The following CTNNA3 variants were observed in gnomAD, a reference collection of about 807,000 sequenced individuals.
CTNNA3 encodes the protein catenin alpha 3.
CTNNA3 carries 76 observed loss-of-function variants against 95.7 expected under a neutral mutation model. The observed-to-expected ratio is 0.79, with a 90% CI of 0.66 to 0.96. The LOEUF is 0.96. CTNNA3 is among the 40% of genes least tolerant of loss of function. CTNNA3 has a pLI of 0.00. For missense variants in CTNNA3, 1,191 were observed against 1,089.8 expected (o/e 1.09, Z -1.31); for synonymous variants, 431 against 374.4 (o/e 1.15, Z -1.74).
rs1863635380 is a variant in CTNNA3, at chr10:67,201,336, CA to C, written c.843+18270del. Among the ~76,000 whole-genome samples, 3 of 152,294 alleles carry C rather than the reference CA, an allele frequency of 2.0e-5. No individual in the cohort carries two copies. The South Asian group carries it at 6.2e-4, about 32-fold the overall frequency. On this transcript the variant is annotated intron_variant, in intron 6 of 17. Transcript: ENST00000433211. ...TGCAGAGCAGATCCATGCATCTGTA[CA>C]GTACATGTTTGCACATACTCCTTTT...
chr10:67,548,121 A>G (rs1840902982), intron 3 of CTNNA3, among the ~76,000 whole-genome samples: 1 of 152,108 alleles, frequency 6.6e-6, no homozygotes, highest in Non-Finnish European at 1.5e-5. Flanking sequence ...TGCTGTCCTC[A>G]TGATAACAAG....
intron 11 of CTNNA3, among the ~76,000 whole-genome samples, chr10:66,490,884 C>T (rs575047943): frequency 1.2e-4 from 18 of 152,244 alleles, no homozygotes; most frequent in East Asian, 9.7e-4. Context: ...CAATGAACAA[C>T]GAATATATGA....
At chr10:66,742,144 T>C (rs1849346946) in intron 9 of CTNNA3, among the ~76,000 whole-genome samples, 1 of 152,194 alleles carries the variant, frequency 6.6e-6, no homozygotes, top group African/African-American at 2.4e-5. Flanking sequence ...GAATTCTTTT[T>C]CTCAGCAAGG....
chr10:67,714,050 G>C (rs1385710450), intron 1 of CTNNA3, among the ~76,000 whole-genome samples: 1 of 152,210 alleles, frequency 6.6e-6, no homozygotes, highest in Non-Finnish European at 1.5e-5. Flanking sequence ...TTTGCTGCAG[G>C]GGCAGGGCTC....
At chr10:67,146,494 C>T (rs1860848988) in intron 7 of CTNNA3, among the ~76,000 whole-genome samples, 1 of 152,150 alleles carries the variant, frequency 6.6e-6, no homozygotes, top group African/African-American at 2.4e-5. Context: ...ATTATAGCCA[C>T]ACATATTATA....
intron 15 of CTNNA3, among the ~76,000 whole-genome samples, chr10:65,998,705 G>A (rs989488714): frequency 4.6e-5 from 7 of 152,248 alleles, no homozygotes; most frequent in Admixed American, 4.6e-4. Context: ...AACAATCTTG[G>A]TGCATGTCTT....
At chr10:67,725,271 G>A (rs1231107097) in intron 1 of CTNNA3, among the ~76,000 whole-genome samples, 1 of 151,700 alleles carries the variant, frequency 6.6e-6, no homozygotes, top group Admixed American at 6.6e-5. Context: ...CCATCTCCCA[G>A]GGTCAGGCCA....
At chr10:67,081,880 T>G (rs1220649884) in intron 7 of CTNNA3, among the ~76,000 whole-genome samples, 2 of 152,204 alleles carry the variant, frequency 1.3e-5, no homozygotes, top group Admixed American at 6.5e-5. Flanking sequence ...ATAGCCCTGT[T>G]TATTCACTAG....
chr10:66,448,195 G>A (rs1290682366), intron 11 of CTNNA3, among the ~76,000 whole-genome samples: 2 of 152,114 alleles, frequency 1.3e-5, no homozygotes, highest in Non-Finnish European at 2.9e-5. Flanking sequence ...TGGAGAGGAT[G>A]TGGAGAAATA....
intron 15 of CTNNA3, among the ~76,000 whole-genome samples, chr10:66,035,727 A>G (rs935667011): frequency 2.3e-4 from 35 of 152,092 alleles, no homozygotes; most frequent in Non-Finnish European, 4.6e-4. Flanking sequence ...GGTAGTGACC[A>G]TGTGTCACTT....
At chr10:67,419,136 C>T (rs1845649736) in intron 5 of CTNNA3, among the ~76,000 whole-genome samples, 1 of 152,042 alleles carries the variant, frequency 6.6e-6, no homozygotes, top group Admixed American at 6.6e-5. Context: ...ATTATTCCAC[C>T]TCTACCATGG....
chr10:66,692,227 T>A (rs1222370214), intron 9 of CTNNA3, among the ~76,000 whole-genome samples: 1 of 151,814 alleles, frequency 6.6e-6, no homozygotes, highest in Non-Finnish European at 1.5e-5. Flanking sequence ...AAAATTTAGA[T>A]GAATGTATAA....
intron 11 of CTNNA3, among the ~76,000 whole-genome samples, chr10:66,383,049 C>T (rs577024289): frequency 8.5e-5 from 13 of 152,240 alleles, no homozygotes; most frequent in East Asian, 3.9e-4. Context: ...TCCAAAGGAT[C>T]GCAACTCCTC....
rs573283839 is a variant in CTNNA3, at chr10:66,975,514, G to A, written c.1048-199990C>T. Among the ~76,000 whole-genome samples the A allele has an allele frequency of 2.6e-5, 4 of 152,264 alleles. No homozygotes were observed. The South Asian group carries it at 8.3e-4, about 32-fold the overall frequency. On this transcript the variant is annotated intron_variant, in intron 7 of 17. Coordinates refer to ENST00000433211, the MANE Select transcript of CTNNA3 (RefSeq NM_013266.4). ...TTCAGGAAAAGCTTCGCAACTATTT[G>A]GCTGGATATTGCAAATCAGATCAAG...
upstream of CTNNA3, among the ~76,000 whole-genome samples, chr10:67,700,240 G>A (rs1841025208): frequency 6.6e-6 from 1 of 152,202 alleles, no homozygotes; most frequent in African/African-American, 2.4e-5. Flanking sequence ...GCAGACTTAA[G>A]TGTACCTGTC....
intron 5 of CTNNA3, among the ~76,000 whole-genome samples, chr10:67,279,404 G>A (rs1159075381): frequency 2.0e-5 from 3 of 152,164 alleles, no homozygotes; most frequent in Admixed American, 6.6e-5. Flanking sequence ...TAAAATCACC[G>A]AAACAGTCTG....
Position 66,596,261 on chromosome 10 carries a change from T to C in CTNNA3, c.1374+25431A>G, listed in dbSNP as rs182979810. ...TGGTCTCCACTAGGATCTCTACCCATGACCCCTGTGGACTCCCCCAGCTAA... is the reference window on the plus strand; with the variant it reads ...TGGTCTCCACTAGGATCTCTACCCACGACCCCTGTGGACTCCCCCAGCTAA... On this transcript the variant is annotated intron_variant, in intron 10 of 17. Transcript: ENST00000433211. 1.8e-3 allele frequency among the ~76,000 whole-genome samples: 270 copies of C among 152,252 alleles called. 1 individual carries two copies. Among genetic ancestry groups the C allele is most frequent in the African/African-American group, 5.8e-3 (243 of 41,558 alleles).
At chr10:66,183,571 C>T (rs2086164309) in intron 13 of CTNNA3, among the ~76,000 whole-genome samples, 1 of 152,204 alleles carries the variant, frequency 6.6e-6, no homozygotes, top group African/African-American at 2.4e-5. Context: ...CTATACTATG[C>T]CAATGGGCAT....
intron 10 of CTNNA3, among the ~76,000 whole-genome samples, chr10:66,562,338 G>A (rs1233367112): frequency 6.6e-6 from 1 of 151,984 alleles, no homozygotes; most frequent in Non-Finnish European, 1.5e-5. Context: ...TCAAAAAGAA[G>A]AAACTGAGCT....
Sources: gnomAD v4.1 joint callset for allele counts (sites outside exome capture counted in the v4.1 genomes callset) on GRCh38, gnomAD v4.1.1 for gene constraint, MANE v1.5 for transcripts, NCBI Gene and HGNC (gene_info 2026-07-23, HGNC 2026-07-21) for gene names.